The following GRID2 variants were observed in gnomAD, a reference collection of about 807,000 sequenced individuals.
GRID2 encodes the protein glutamate ionotropic receptor delta type subunit 2.
Under a neutral mutation model 114.8 loss-of-function variants are expected in GRID2, and 33 were observed. The ratio of observed to expected loss-of-function variants is 0.29; its 90% CI spans 0.22 to 0.38. The LOEUF (loss-of-function observed/expected upper bound fraction) is 0.38, where lower values mean the gene tolerates loss of function less well. Ranked by LOEUF, GRID2 falls within the 10% of genes least tolerant of loss-of-function variation. GRID2 has a pLI of 1.00. For missense variants in GRID2, 1,184 were observed against 1,257.7 expected (o/e 0.94, Z 0.89); for synonymous variants, 505 against 449.9 (o/e 1.12, Z -1.55).
chr4:93,135,255 G>A (rs1260477205), intron 4 of GRID2, among the ~76,000 whole-genome samples: 2 of 152,102 alleles, frequency 1.3e-5, no homozygotes, highest in Non-Finnish European at 2.9e-5. Flanking sequence ...TCTCCTGTGA[G>A]GTGTGTGGTG....
chr4:93,063,564 T>C (rs1488776262), intron 2 of GRID2, among the ~76,000 whole-genome samples: 5 of 151,914 alleles, frequency 3.3e-5, no homozygotes. Context: ...ACTTAGGATG[T>C]GACTAATGGT....
chr4:92,879,672 C>G (rs1745868686), intron 2 of GRID2, among the ~76,000 whole-genome samples: 1 of 152,184 alleles, frequency 6.6e-6, no homozygotes, highest in Admixed American at 6.5e-5. Flanking sequence ...ATATTTAAAC[C>G]AACTAATCAA....
intron 1 of GRID2, among the ~76,000 whole-genome samples, chr4:92,489,859 AAAAGTAAATGATTTCACTT>A (rs1470359866): frequency 6.6e-6 from 1 of 152,014 alleles, no homozygotes; most frequent in East Asian, 1.9e-4. Flanking sequence ...AAAAAAAAAA[AAAAGTAAATGATTTCACTT>A]AGAGTAAAAG....
intron 1 of GRID2, among the ~76,000 whole-genome samples, chr4:92,448,653 ATAATT>A (rs1165407199): frequency 2.6e-5 from 4 of 152,078 alleles, no homozygotes; most frequent in African/African-American, 9.7e-5. Context: ...TTTGATTTTA[ATAATT>A]TAATTTTATG....
At chr4:93,258,019 C>G (rs1257769701) in intron 8 of GRID2, among the ~76,000 whole-genome samples, 1 of 148,026 alleles carries the variant, frequency 6.8e-6, no homozygotes, top group Non-Finnish European at 1.5e-5. Context: ...CACACACACA[C>G]ACACACACAA....
intron 4 of GRID2, among the ~76,000 whole-genome samples, chr4:93,166,506 A>G (rs1738263098): frequency 6.6e-6 from 1 of 152,242 alleles, no homozygotes; most frequent in South Asian, 2.1e-4. Context: ...GTGCTGGCAA[A>G]GAATAATGAA....
intron 8 of GRID2, among the ~76,000 whole-genome samples, chr4:93,279,647 T>G (rs1290627554): frequency 6.6e-6 from 1 of 151,962 alleles, no homozygotes; most frequent in Non-Finnish European, 1.5e-5. Flanking sequence ...TCCTAAGATA[T>G]AAAAATGATT....
intron 2 of GRID2, among the ~76,000 whole-genome samples, chr4:92,747,161 A>G (rs1230657544): frequency 2.0e-5 from 3 of 152,078 alleles, no homozygotes; most frequent in Non-Finnish European, 4.4e-5. Context: ...CCCTAAAATG[A>G]TATCTATTGC....
At chr4:92,743,193 C>T (rs1391959432) in intron 2 of GRID2, among the ~76,000 whole-genome samples, 3 of 152,158 alleles carry the variant, frequency 2.0e-5, no homozygotes, top group South Asian at 2.1e-4. Context: ...AGGAGGATCG[C>T]TTCAGCCCAG....
chr4:93,080,098 T>G (rs1463854079), intron 2 of GRID2, among the ~76,000 whole-genome samples: 1 of 152,114 alleles, frequency 6.6e-6, no homozygotes, highest in Non-Finnish European at 1.5e-5. Context: ...AAATGTCACA[T>G]CTCAGATGGT....
chr4:93,671,374 G>A (rs1724397108), intron 14 of GRID2, among the ~76,000 whole-genome samples: 1 of 152,104 alleles, frequency 6.6e-6, no homozygotes, highest in East Asian at 1.9e-4. Flanking sequence ...AAAGTCTTGG[G>A]ACATGAGCAC....
chr4:93,242,258 G>A (rs550015725), intron 8 of GRID2, among the ~76,000 whole-genome samples: 31 of 152,036 alleles, frequency 2.0e-4, no homozygotes, highest in East Asian at 1.2e-3. Context: ...GAGAAGTTTC[G>A]AAATAGCTGC....
At chr4:93,785,553 A>C (rs1734574089) in intron 1 of GRID2, among the ~76,000 whole-genome samples, 1 of 152,178 alleles carries the variant, frequency 6.6e-6, no homozygotes. Flanking sequence ...GGAAAATATC[A>C]AGAAAATTTT....
At chr4:92,862,728 G>A (rs1744611094) in intron 2 of GRID2, among the ~76,000 whole-genome samples, 1 of 152,020 alleles carries the variant, frequency 6.6e-6, no homozygotes, top group African/African-American at 2.4e-5. Flanking sequence ...ATAAATTTCA[G>A]TTGTTGTGCA....
At chr4:93,536,798 G>T (rs931206463) in intron 13 of GRID2, among the ~76,000 whole-genome samples, 4 of 151,658 alleles carry the variant, frequency 2.6e-5, no homozygotes, top group East Asian at 3.9e-4. Flanking sequence ...GGACATATTT[G>T]TGCTTATAAA....
intron 14 of GRID2, among the ~76,000 whole-genome samples, chr4:93,726,222 C>A (rs1474877039): frequency 6.6e-6 from 1 of 152,194 alleles, no homozygotes; most frequent in African/African-American, 2.4e-5. Flanking sequence ...GTTTTCCCAG[C>A]ACCATTTATT....
At chr4:93,413,269 G>C (rs1163872268) in intron 9 of GRID2, among the ~76,000 whole-genome samples, 2 of 152,094 alleles carry the variant, frequency 1.3e-5, no homozygotes, top group Non-Finnish European at 2.9e-5. Context: ...CTGTTTCCCA[G>C]CTTTTTAGTA....
chr4:92,994,374 C>T (rs754494984), intron 2 of GRID2, among the ~76,000 whole-genome samples: 7 of 151,910 alleles, frequency 4.6e-5, no homozygotes, highest in African/African-American at 7.3e-5. Context: ...TGTTTTGAGA[C>T]GGAGTTTTGC....
At chr4:93,758,175 A>C (rs1471506456) in intron 14 of GRID2, among the ~76,000 whole-genome samples, 1 of 152,194 alleles carries the variant, frequency 6.6e-6, no homozygotes, top group Admixed American at 6.5e-5. Context: ...GAGCTGTAAT[A>C]ATGCTAAATA....
Sources: allele counts gnomAD v4.1 joint callset (sites outside exome capture counted in the v4.1 genomes callset), GRCh38; gene constraint gnomAD v4.1.1; transcripts MANE v1.5; gene names NCBI Gene and HGNC (gene_info 2026-07-23, HGNC 2026-07-21).